RGS6: variants seen among roughly 807,000 people sequenced by gnomAD.
The protein encoded by RGS6 is regulator of G protein signaling 6.
Under a neutral mutation model 78.5 loss-of-function variants are expected in RGS6, and 30 were observed. That is an observed-to-expected ratio of 0.38 (90% CI 0.29 to 0.52). RGS6 has a LOEUF of 0.52. Ranked by LOEUF, RGS6 falls within the 20% of genes least tolerant of loss-of-function variation. RGS6 has a pLI of 0.85. For missense variants in RGS6, 495 were observed against 609.7 expected (o/e 0.81, Z 1.98); for synonymous variants, 206 against 206.0 (o/e 1.00, Z 0.00).
At chr14:72,474,036 C>T (rs1207647668) in intron 9 of RGS6, 3 of 152,178 alleles carry the variant, frequency 2.0e-5, no homozygotes, top group Non-Finnish European at 4.4e-5. Context: ...CAGGACGTCA[C>T]CTTGTTCAAT....
At chr14:72,510,126 C>T in intron 13 of RGS6, 28 bp from the exon 14 acceptor site, 1 of 1,569,578 alleles carries the variant, frequency 6.4e-7, no homozygotes. Flanking sequence ...TATTGATCTT[C>T]TTTAAACCTT....
intron 2 of RGS6, among the ~76,000 whole-genome samples, chr14:72,195,033 C>T (rs549817631): frequency 3.9e-5 from 6 of 152,214 alleles, no homozygotes; most frequent in Non-Finnish European, 7.4e-5. Flanking sequence ...CATAGCGAAA[C>T]CCCGTGTCTG....
intron 2 of RGS6, among the ~76,000 whole-genome samples, chr14:72,182,919 C>G (rs2097193324): frequency 6.6e-6 from 1 of 151,992 alleles, no homozygotes; most frequent in Non-Finnish European, 1.5e-5. Context: ...CTCTGTTGTT[C>G]AGGTTATATG....
At chr14:72,385,575 T>G (rs1210134128) in intron 3 of RGS6, among the ~76,000 whole-genome samples, 1 of 152,202 alleles carries the variant, frequency 6.6e-6, no homozygotes, top group Non-Finnish European at 1.5e-5. Flanking sequence ...GCCAATGATA[T>G]GAAGCCCAGG....
chr14:72,067,698 A>G (rs1170110273), intron 2 of RGS6, among the ~76,000 whole-genome samples: 1 of 151,868 alleles, frequency 6.6e-6, no homozygotes, highest in Non-Finnish European at 1.5e-5. Flanking sequence ...ATAAAATAAA[A>G]TAAAGTTTAT....
intron 1 of RGS6, among the ~76,000 whole-genome samples, chr14:71,959,035 G>T (rs1309993188): frequency 6.6e-6 from 1 of 152,180 alleles, no homozygotes; most frequent in East Asian, 1.9e-4. Flanking sequence ...ACCAAAATTG[G>T]CCTTTAGGGG....
chr14:72,293,295 T>C (rs1305699468), intron 2 of RGS6, among the ~76,000 whole-genome samples: 1 of 152,220 alleles, frequency 6.6e-6, no homozygotes, highest in Non-Finnish European at 1.5e-5. Flanking sequence ...TCATAGTCCC[T>C]CTGCATGTTG....
chr14:72,417,355 T>A (rs2093890571), intron 3 of RGS6, among the ~76,000 whole-genome samples: 2 of 152,126 alleles, frequency 1.3e-5, no homozygotes, highest in Admixed American at 1.3e-4. Flanking sequence ...CACACATCAC[T>A]CCTTCACTGT....
intron 3 of RGS6, among the ~76,000 whole-genome samples, chr14:72,415,131 C>T (rs368178613): frequency 2.0e-5 from 3 of 152,236 alleles, no homozygotes; most frequent in East Asian, 1.9e-4. Flanking sequence ...GTGCCCTGCC[C>T]GCAGAGGTGG....
At position 72,239,779 on chromosome 14, in the gene RGS6, T is replaced by A. The variant is rs149938243; in HGVS notation, c.85-112316T>A. ...ATGGAAATTTTGAGGTTTCTAGCCATCCCTCAAATCTCTCATAGCCTTCAT... is the reference window on the plus strand; with the variant it reads ...ATGGAAATTTTGAGGTTTCTAGCCAACCCTCAAATCTCTCATAGCCTTCAT... On this transcript the variant is annotated intron_variant, in intron 2 of 17. Coordinates refer to ENST00000553525, the MANE Select transcript of RGS6 (RefSeq NM_001204424.2). Among the ~76,000 whole-genome samples the A allele has an allele frequency of 3.1e-3, 473 of 152,352 alleles. 1 individual carries two copies. The highest frequency in any genetic ancestry group is 0.011 in the African/African-American group (456 of 41,580).
intron 2 of RGS6, among the ~76,000 whole-genome samples, chr14:71,966,798 G>A (rs728495): frequency 0.92 from 139,739 of 152,254 alleles, 64,157 homozygotes; most frequent in East Asian, 0.99. Context: ...ACTTGGAGAG[G>A]AAATAAATGA....
At chr14:72,543,958 A>G (rs369146485) in intron 17 of RGS6, among the ~76,000 whole-genome samples, 62 of 152,094 alleles carry the variant, frequency 4.1e-4, no homozygotes, top group African/African-American at 1.4e-3. Context: ...CTGTTCTCAA[A>G]CTCCTGACCT....
At chr14:72,081,971 T>A (rs1459821491) in intron 2 of RGS6, among the ~76,000 whole-genome samples, 3 of 152,080 alleles carry the variant, frequency 2.0e-5, no homozygotes, top group Non-Finnish European at 4.4e-5. Context: ...TTGTTTTAGA[T>A]CTTTTTTTAA....
chr14:72,558,368 C>A (rs1276342584), intron 17 of RGS6, among the ~76,000 whole-genome samples: 1 of 152,132 alleles, frequency 6.6e-6, no homozygotes, highest in African/African-American at 2.4e-5. Context: ...CAATCTGACC[C>A]CCAGGGCTAC....
intron 2 of RGS6, among the ~76,000 whole-genome samples, chr14:72,302,480 A>G: frequency 6.6e-6 from 1 of 152,132 alleles, no homozygotes; most frequent in East Asian, 1.9e-4. Context: ...CCCACTTCTA[A>G]TTCTTTTTTT....
intron 14 of RGS6, among the ~76,000 whole-genome samples, chr14:72,514,345 T>C (rs1478206013): frequency 6.6e-6 from 1 of 152,212 alleles, no homozygotes; most frequent in Non-Finnish European, 1.5e-5. Context: ...TGAAAAGATA[T>C]GTAAACTGGT....
chr14:72,606,437 ATAT>A, the RGS6 span, among the ~76,000 whole-genome samples: 1 of 152,132 alleles, frequency 6.6e-6, no homozygotes, highest in African/African-American at 2.4e-5. Flanking sequence ...AGGGGAAACC[ATAT>A]TATATCTCTA....
intron 10 of RGS6, among the ~76,000 whole-genome samples, chr14:72,476,135 G>T (rs1273274320): frequency 6.6e-6 from 1 of 152,094 alleles, no homozygotes; most frequent in African/African-American, 2.4e-5. Context: ...TCCGTAATAC[G>T]AGGAACAGCT....
At chr14:72,261,885 T>A (rs2153888044) in intron 2 of RGS6, among the ~76,000 whole-genome samples, 1 of 152,356 alleles carries the variant, frequency 6.6e-6, no homozygotes, top group South Asian at 2.1e-4. Context: ...GGTGACTCTG[T>A]TCTAGAGATA....
Sources: allele counts gnomAD v4.1 joint callset (sites outside exome capture counted in the v4.1 genomes callset), GRCh38; gene constraint gnomAD v4.1.1; transcripts MANE v1.5; gene names NCBI Gene and HGNC (gene_info 2026-07-23, HGNC 2026-07-21).